Variants in SCAPER observed in about 807,000 individuals in gnomAD.
SCAPER encodes the protein S-phase cyclin A associated protein in the ER, also known as S phase cyclin A-associated protein in the endoplasmic reticulum.
In SCAPER, 98 loss-of-function variants were observed where a neutral mutation model predicts 182.2. The ratio of observed to expected loss-of-function variants is 0.54; its 90% CI spans 0.46 to 0.64. The LOEUF (loss-of-function observed/expected upper bound fraction) is 0.64, where lower values mean the gene tolerates loss of function less well. SCAPER is among the 30% of genes least tolerant of loss of function. The pLI, the probability that SCAPER is intolerant of heterozygous loss-of-function variation, is 0.00. For missense variants in SCAPER, 1,432 were observed against 1,690.0 expected, an observed-to-expected ratio of 0.85 and a Z score of 2.68; for synonymous variants, 605 against 564.6, an observed-to-expected ratio of 1.07 and a Z score of -1.01.
chr15:76,526,892 G>A (rs1001008984), intron 23 of SCAPER, among the ~76,000 whole-genome samples: 2 of 150,870 alleles, frequency 1.3e-5, no homozygotes, highest in Non-Finnish European at 2.9e-5. Flanking sequence ...AGGGGGGAAC[G>A]TAGTTTTCTG....
Position 76,705,906 on chromosome 15 carries a change from G to A in SCAPER, c.2244C>T (p.Leu748=), listed in dbSNP as rs1371890171. The A allele has an allele frequency of 6.5e-7, 1 of 1,547,410 alleles. No individual in the cohort carries two copies. The highest frequency in any genetic ancestry group is 8.7e-7 in the Non-Finnish European group (1 of 1,148,234). Residue 748 remains leucine, a synonymous_variant, in exon 18 of 32, where the codon CTC becomes CTT. Coordinates refer to ENST00000563290, the MANE Select transcript of SCAPER (RefSeq NM_020843.4). ...TAAAAATATATAATATCCTTACCTT[G>A]AGCTGAATTTTTTTCTGTAACTCTT... ...AMEELQKKIQ[L]KHDESIRRHM... is the part of the protein sequence containing the mutation.
Position 76,733,224 on chromosome 15 carries a change from C to T in SCAPER, c.2022+5G>A. On this transcript the variant is annotated splice_donor_5th_base_variant and intron_variant, in intron 16 of 31. Coordinates refer to ENST00000563290, the MANE Select transcript of SCAPER (RefSeq NM_020843.4). ...AGCAATGTTTGCTGAATAAAAAAAT[C>T]CTACCTGCACAGCTTCATCACGTGC... The T allele has an allele frequency of 6.4e-7, 1 of 1,557,482 alleles. No homozygotes were observed. The highest frequency in any genetic ancestry group is 1.2e-5 in the South Asian group (1 of 84,508).
At chr15:76,754,264 G>A (rs910172008) in intron 14 of SCAPER, among the ~76,000 whole-genome samples, 4 of 151,970 alleles carry the variant, frequency 2.6e-5, no homozygotes, top group Non-Finnish European at 5.9e-5. Context: ...CAGAACAGTG[G>A]CTTAGACATG....
chr15:76,538,687 G>GCACATTGTT (rs2044435570), intron 23 of SCAPER, among the ~76,000 whole-genome samples: 1 of 150,852 alleles, frequency 6.6e-6, no homozygotes, highest in Admixed American at 6.6e-5. Context: ...TGCACATTGT[G>GCACATTGTT]CACATGTACC....
intron 27 of SCAPER, among the ~76,000 whole-genome samples, chr15:76,392,645 G>C (rs909859740): frequency 7.9e-5 from 12 of 152,102 alleles, no homozygotes; most frequent in African/African-American, 2.7e-4. Context: ...CAGCTACTTG[G>C]GAAGCTGAGG....
At chr15:76,884,723 A>G (rs2073750664) in intron 1 of SCAPER, among the ~76,000 whole-genome samples, 1 of 152,260 alleles carries the variant, frequency 6.6e-6, no homozygotes, top group South Asian at 2.1e-4. Context: ...TGTTCACAGC[A>G]GCATTATTCA....
At chr15:76,426,510 G>T (rs915184253) in intron 26 of SCAPER, among the ~76,000 whole-genome samples, 1 of 152,080 alleles carries the variant, frequency 6.6e-6, no homozygotes, top group Non-Finnish European at 1.5e-5. Context: ...GACTGGAGCT[G>T]TTCCTATTTG....
intron 1 of SCAPER, among the ~76,000 whole-genome samples, chr15:76,901,404 T>A (rs1290793276): frequency 3.3e-5 from 5 of 152,224 alleles, no homozygotes; most frequent in African/African-American, 4.8e-5. Flanking sequence ...AAACTCTCTC[T>A]CTTTTCCAAT....
chr15:76,358,565 G>A (rs946246367), intron 29 of SCAPER, among the ~76,000 whole-genome samples: 1 of 152,174 alleles, frequency 6.6e-6, no homozygotes, highest in African/African-American at 2.4e-5. Flanking sequence ...GTGCTCACAT[G>A]GTCTCTCCTT....
chr15:76,407,114 C>T (rs1033288213), intron 26 of SCAPER, among the ~76,000 whole-genome samples: 2 of 152,110 alleles, frequency 1.3e-5, no homozygotes, highest in African/African-American at 4.8e-5. Context: ...CATATGGGGA[C>T]GCATTCTGAG....
chr15:76,411,204 T>C (rs1233071192), intron 26 of SCAPER, among the ~76,000 whole-genome samples: 1 of 152,152 alleles, frequency 6.6e-6, no homozygotes, highest in East Asian at 1.9e-4. Context: ...TTCATGTTGG[T>C]GCATGGGACA....
rs543485767 is a variant in SCAPER, at chr15:76,645,885, C to T, written c.2645+19768G>A. Among the ~76,000 whole-genome samples, 47 of 152,208 alleles carry T rather than the reference C, an allele frequency of 3.1e-4. 1 individual carries two copies. In the South Asian group the frequency reaches 8.7e-3, roughly 28 times the overall value. ...AAAAATATTTAAAAATTAGATTTAACATTAGATTTCACCTCAAAGTTCTGT... is the reference window on the plus strand; with the variant it reads ...AAAAATATTTAAAAATTAGATTTAATATTAGATTTCACCTCAAAGTTCTGT... On this transcript the variant is annotated intron_variant, in intron 21 of 31. Coordinates refer to ENST00000563290, the MANE Select transcript of SCAPER (RefSeq NM_020843.4).
chr15:76,595,694 C>T (rs1298844947), intron 22 of SCAPER, among the ~76,000 whole-genome samples: 1 of 122,068 alleles, frequency 8.2e-6, no homozygotes, highest in African/African-American at 2.5e-5. Context: ...GGAAACTGAA[C>T]AAACTGCTCC....
At chr15:76,589,364 C>A (rs2048934184) in intron 22 of SCAPER, among the ~76,000 whole-genome samples, 1 of 152,074 alleles carries the variant, frequency 6.6e-6, no homozygotes, top group Admixed American at 6.5e-5. Context: ...CATGTCTAAG[C>A]TCAGATTCTC....
At chr15:76,387,170 G>A (rs1235615115) in intron 27 of SCAPER, among the ~76,000 whole-genome samples, 1 of 152,196 alleles carries the variant, frequency 6.6e-6, no homozygotes, top group Non-Finnish European at 1.5e-5. Context: ...ATGGCTCAAT[G>A]CTCTTTGCTT....
intron 23 of SCAPER, among the ~76,000 whole-genome samples, chr15:76,558,267 A>G (rs1195549385): frequency 6.6e-6 from 1 of 152,230 alleles, no homozygotes; most frequent in African/African-American, 2.4e-5. Flanking sequence ...CAAGTCTAAT[A>G]TCCAGGATCT....
intron 8 of SCAPER, among the ~76,000 whole-genome samples, chr15:76,776,964 G>GAA (rs1438900432): frequency 2.0e-5 from 3 of 152,004 alleles, no homozygotes; most frequent in African/African-American, 7.3e-5. Flanking sequence ...GTGAAACAGA[G>GAA]AAAACTATGA....
intron 10 of SCAPER, among the ~76,000 whole-genome samples, chr15:76,769,398 G>A (rs1479793649): frequency 1.5e-5 from 2 of 136,906 alleles, no homozygotes; most frequent in Non-Finnish European, 3.0e-5. Context: ...AGCCAAGACT[G>A]CACTACTGCA....
chr15:76,457,754 AACTTTTAAAGTAAAATTTG>A (rs1286029853), intron 25 of SCAPER, among the ~76,000 whole-genome samples: 4 of 152,212 alleles, frequency 2.6e-5, no homozygotes, highest in African/African-American at 4.8e-5. Context: ...TGAAAAATTT[AACTTTTAAAGTAAAATTTG>A]ACTTTTAAAG....
Sources: gnomAD v4.1 joint callset for allele counts (sites outside exome capture counted in the v4.1 genomes callset) on GRCh38, gnomAD v4.1.1 for gene constraint, MANE v1.5 for transcripts, NCBI Gene and HGNC (gene_info 2026-07-23, HGNC 2026-07-21) for gene names.